NAV3: variants seen among roughly 807,000 people sequenced by gnomAD.
The protein encoded by NAV3 is pore membrane and/or filament interacting like protein 1.
NAV3 carries 87 observed loss-of-function variants against 244.7 expected under a neutral mutation model. That is an observed-to-expected ratio of 0.36 (90% confidence interval 0.30 to 0.42). NAV3 has a LOEUF of 0.42. Among genes scored for constraint, NAV3 ranks in the 20% least tolerant of loss-of-function variants. NAV3 has a pLI of 1.00. For missense variants in NAV3, 2,663 were observed against 2,893.3 expected (o/e 0.92, Z 1.83); for synonymous variants, 1,126 against 1,042.2 (o/e 1.08, Z -1.55).
chr12:77,816,414 G>T (rs10506762), intron 2 of NAV3, among the ~76,000 whole-genome samples: 27,789 of 152,148 alleles, frequency 0.18, 3,112 homozygotes, highest in Non-Finnish European at 0.24. Flanking sequence ...GAACAGTAGT[G>T]TCAGATAGTC....
At chr12:77,858,976 T>A (rs1878801566) in intron 1 of NAV3, among the ~76,000 whole-genome samples, 1 of 152,090 alleles carries the variant, frequency 6.6e-6, no homozygotes, top group African/African-American at 2.4e-5. Flanking sequence ...AAACCTTTTG[T>A]GTTGACTGAC....
chr12:77,767,162 A>G (rs562917319), intron 2 of NAV3, among the ~76,000 whole-genome samples: 1 of 152,302 alleles, frequency 6.6e-6, no homozygotes, highest in Admixed American at 6.5e-5. Flanking sequence ...TTGTATCCTT[A>G]TTTAAGTTAC....
At chr12:77,701,239 T>C (rs111783483) in intron 2 of NAV3, among the ~76,000 whole-genome samples, 2,720 of 152,056 alleles carry the variant, frequency 0.018, 76 homozygotes, top group African/African-American at 0.062. Context: ...GATACAAAGC[T>C]ATTTAGTTTT....
intron 20 of NAV3, among the ~76,000 whole-genome samples, chr12:78,145,262 T>A (rs1261897939): frequency 2.6e-5 from 4 of 152,190 alleles, no homozygotes; most frequent in Non-Finnish European, 4.4e-5. Context: ...GCCACTATAT[T>A]ACTAAGTTTA....
intron 2 of NAV3, among the ~76,000 whole-genome samples, chr12:77,753,120 C>A (rs1868945108): frequency 6.6e-6 from 1 of 152,092 alleles, no homozygotes. Context: ...CTTTTCAGAC[C>A]ATCTTCTGTA....
At chr12:78,117,275 T>C in intron 13 of NAV3, among the ~76,000 whole-genome samples, 1 of 144,142 alleles carries the variant, frequency 6.9e-6, no homozygotes, top group Admixed American at 7.1e-5. Context: ...CAAATATATT[T>C]ATTTATTGTT....
intron 1 of NAV3, among the ~76,000 whole-genome samples, chr12:77,936,316 G>A (rs749630050): frequency 2.0e-5 from 3 of 152,044 alleles, no homozygotes; most frequent in Admixed American, 6.6e-5. Flanking sequence ...TCTTGTAAAC[G>A]CAATCTCAGT....
intron 2 of NAV3, among the ~76,000 whole-genome samples, chr12:77,723,696 T>G (rs147448843): frequency 6.6e-6 from 1 of 151,362 alleles, no homozygotes; most frequent in African/African-American, 2.4e-5. Context: ...CCATAGTTAG[T>G]TGATGCCCTT....
chr12:77,673,856 T>C (rs1874094045), intron 2 of NAV3, among the ~76,000 whole-genome samples: 1 of 152,198 alleles, frequency 6.6e-6, no homozygotes, highest in Admixed American at 6.5e-5. Flanking sequence ...GAACTCTTGC[T>C]TTTTAAAGTG....
intron 2 of NAV3, among the ~76,000 whole-genome samples, chr12:77,782,622 T>C (rs1386868661): frequency 1.3e-5 from 2 of 150,106 alleles, no homozygotes; most frequent in African/African-American, 2.5e-5. Context: ...CAGAGGCACA[T>C]AGAGAACAAT....
At chr12:78,096,120 G>A (rs964473075) in intron 12 of NAV3, among the ~76,000 whole-genome samples, 2 of 152,038 alleles carry the variant, frequency 1.3e-5, no homozygotes, top group Non-Finnish European at 2.9e-5. Flanking sequence ...TCACTATTTG[G>A]CAAATAAAAG....
chr12:77,732,165 T>TATCTAG (rs1877153008), intron 2 of NAV3, among the ~76,000 whole-genome samples: 1 of 152,024 alleles, frequency 6.6e-6, no homozygotes, highest in Non-Finnish European at 1.5e-5. Context: ...CCTCCTCAAA[T>TATCTAG]TTAATGGCCT....
intron 12 of NAV3, among the ~76,000 whole-genome samples, chr12:78,082,065 G>C (rs1313273380): frequency 6.6e-6 from 1 of 152,130 alleles, no homozygotes; most frequent in Non-Finnish European, 1.5e-5. Context: ...CTGTTCTTCT[G>C]CTAGTGAATA....
intron 6 of NAV3, among the ~76,000 whole-genome samples, chr12:77,995,966 G>C (rs1003094090): frequency 5.3e-5 from 8 of 151,892 alleles, no homozygotes; most frequent in African/African-American, 1.7e-4. Context: ...TTACTTTGAT[G>C]AATAATCTGA....
intron 2 of NAV3, among the ~76,000 whole-genome samples, chr12:77,655,891 G>A (rs7307898): frequency 0.13 from 17,635 of 136,390 alleles, 1,599 homozygotes; most frequent in African/African-American, 0.26. Flanking sequence ...AAAATTCTTT[G>A]CAGACAAGCA....
At chr12:77,784,604 C>T (rs1350815780) in intron 2 of NAV3, among the ~76,000 whole-genome samples, 1 of 152,120 alleles carries the variant, frequency 6.6e-6, no homozygotes, top group Non-Finnish European at 1.5e-5. Context: ...TAGTTCTTCA[C>T]CTCTCCTATA....
chr12:78,165,974 A>AAG lies in NAV3; in HGVS notation c.4870-2780_4870-2779insGA, dbSNP rs1321671131. ...GTGATCAGACACCCTCCTGCAAAAAAAAAAAATACGTATGCAATAAAGTTA... is the reference window on the plus strand; with the variant it reads ...GTGATCAGACACCCTCCTGCAAAAAAAGAAAAAATACGTATGCAATAAAGTTA... On this transcript the variant is annotated intron_variant, in intron 23 of 39. Transcript: ENST00000397909. Among the ~76,000 whole-genome samples, 5 of 151,614 alleles carry AAG rather than the reference A, an allele frequency of 3.3e-5. No homozygotes were observed. In the South Asian group the frequency reaches 1.0e-3, roughly 31 times the overall value.
intron 5 of NAV3, among the ~76,000 whole-genome samples, chr12:77,989,999 T>G (rs1316158282): frequency 6.6e-6 from 1 of 150,598 alleles, no homozygotes; most frequent in East Asian, 1.9e-4. Context: ...CACTATTGAT[T>G]ATTTCAAATC....
At chr12:77,832,443 G>A (rs554542700) in intron 1 of NAV3, among the ~76,000 whole-genome samples, 6 of 152,138 alleles carry the variant, frequency 3.9e-5, no homozygotes, top group South Asian at 2.1e-4. Flanking sequence ...CTTGATAAGC[G>A]TCACTTTTGT....
Sources: gnomAD v4.1 joint callset for allele counts (sites outside exome capture counted in the v4.1 genomes callset) on GRCh38, gnomAD v4.1.1 for gene constraint, MANE v1.5 for transcripts, NCBI Gene and HGNC (gene_info 2026-07-23, HGNC 2026-07-21) for gene names.